Variants in GPC6 observed in about 807,000 individuals in gnomAD.
GPC6 encodes the protein glypican 6.
In GPC6, 14 loss-of-function variants were observed where a neutral mutation model predicts 55.2. The observed-to-expected ratio is 0.25, with a 90% CI of 0.17 to 0.40. The LOEUF is 0.40. Among genes scored for constraint, GPC6 ranks in the 10% least tolerant of loss-of-function variants. The pLI is 1.00. For missense variants in GPC6, 641 were observed against 708.5 expected, an observed-to-expected ratio of 0.90 and a Z score of 1.08; for synonymous variants, 278 against 259.6, an observed-to-expected ratio of 1.07 and a Z score of -0.68.
chr13:93,568,498 A>C (rs1876247664), intron 2 of GPC6, among the ~76,000 whole-genome samples: 1 of 152,172 alleles, frequency 6.6e-6, no homozygotes, highest in African/African-American at 2.4e-5. Context: ...GGGAAGAGAA[A>C]GACAGAATTT....
At chr13:93,951,545 T>C (rs1250645015) in intron 3 of GPC6, among the ~76,000 whole-genome samples, 1 of 152,210 alleles carries the variant, frequency 6.6e-6, no homozygotes, top group Non-Finnish European at 1.5e-5. Context: ...TCTGTTTCTA[T>C]TTTGCTGATA....
At chr13:94,261,470 T>A (rs1475956017) in intron 4 of GPC6, among the ~76,000 whole-genome samples, 1 of 152,192 alleles carries the variant, frequency 6.6e-6, no homozygotes, top group Non-Finnish European at 1.5e-5. Context: ...ACTAGTTGGT[T>A]ACCTATAAAT....
chr13:93,806,371 CTT>C (rs1490492876), intron 2 of GPC6, among the ~76,000 whole-genome samples: 1 of 152,088 alleles, frequency 6.6e-6, no homozygotes, highest in African/African-American at 2.4e-5. Flanking sequence ...GAGTTTTACT[CTT>C]GTCACCCAGG....
chr13:93,973,177 A>G (rs973983342), intron 3 of GPC6, among the ~76,000 whole-genome samples: 1 of 152,172 alleles, frequency 6.6e-6, no homozygotes, highest in African/African-American at 2.4e-5. Context: ...CACCTAGGCT[A>G]TGTGGTATAA....
chr13:94,199,647 T>C (rs990007855), intron 4 of GPC6, among the ~76,000 whole-genome samples: 1 of 152,204 alleles, frequency 6.6e-6, no homozygotes. Flanking sequence ...GCAGTTCTTT[T>C]TCATAGAGTT....
chr13:93,484,077 T>A (rs1879613712), intron 1 of GPC6, among the ~76,000 whole-genome samples: 1 of 152,178 alleles, frequency 6.6e-6, no homozygotes, highest in Non-Finnish European at 1.5e-5. Context: ...AAAAAAAGTA[T>A]TAAAATTTTG....
At chr13:93,684,399 G>A (rs538983100) in intron 2 of GPC6, among the ~76,000 whole-genome samples, 2 of 152,116 alleles carry the variant, frequency 1.3e-5, no homozygotes. Flanking sequence ...TGTTGGCCAG[G>A]CTGGCCTCGA....
intron 1 of GPC6, among the ~76,000 whole-genome samples, chr13:93,490,349 C>A (rs1021087748): frequency 1.2e-4 from 18 of 151,074 alleles, no homozygotes; most frequent in African/African-American, 4.1e-4. Context: ...TATCACACTG[C>A]CAAGGCTTTT....
intron 4 of GPC6, among the ~76,000 whole-genome samples, chr13:94,164,865 A>G (rs996392405): frequency 6.6e-6 from 1 of 152,194 alleles, no homozygotes; most frequent in Non-Finnish European, 1.5e-5. Context: ...ATTTAGTAGC[A>G]TTTAATAATT....
At chr13:94,020,000 C>G (rs1281934224) in intron 3 of GPC6, among the ~76,000 whole-genome samples, 1 of 152,066 alleles carries the variant, frequency 6.6e-6, no homozygotes, top group African/African-American at 2.4e-5. Flanking sequence ...TGCTGTTTCT[C>G]TATTTGCTTT....
intron 6 of GPC6, among the ~76,000 whole-genome samples, chr13:94,340,941 C>T (rs1028876982): frequency 6.6e-6 from 1 of 152,192 alleles, no homozygotes; most frequent in South Asian, 2.1e-4. Flanking sequence ...TATCTCTGGC[C>T]TCATTACTGA....
chr13:94,354,697 A>G (rs7992123), intron 6 of GPC6, among the ~76,000 whole-genome samples: 7,610 of 152,352 alleles, frequency 0.05, 621 homozygotes, highest in African/African-American at 0.17. Flanking sequence ...AAATGAAAAG[A>G]ATGCAGACAG....
chr13:94,119,060 A>G (rs933715798), intron 4 of GPC6, among the ~76,000 whole-genome samples: 10 of 152,100 alleles, frequency 6.6e-5, no homozygotes, highest in Non-Finnish European at 7.4e-5. Context: ...ATATATATAC[A>G]TTTAAAATTA....
intron 3 of GPC6, chr13:94,025,491 G>A (rs1195305225): frequency 6.6e-6 from 1 of 150,918 alleles, no homozygotes; most frequent in East Asian, 1.9e-4. Context: ...GCTCAGTTAC[G>A]GGTAAAACTT....
chr13:93,240,820 A>G (rs1876402054), intron 1 of GPC6, among the ~76,000 whole-genome samples: 1 of 152,086 alleles, frequency 6.6e-6, no homozygotes, highest in African/African-American at 2.4e-5. Flanking sequence ...AGCATTTCTT[A>G]TAGGTCCAGT....
At chr13:94,350,425 A>G (rs1333478085) in intron 6 of GPC6, among the ~76,000 whole-genome samples, 1 of 152,076 alleles carries the variant, frequency 6.6e-6, no homozygotes, top group Non-Finnish European at 1.5e-5. Context: ...GCTGGAGAAT[A>G]TTTCAATTTC....
intron 1 of GPC6, among the ~76,000 whole-genome samples, chr13:93,275,318 T>C (rs1877693737): frequency 6.6e-6 from 1 of 152,196 alleles, no homozygotes; most frequent in African/African-American, 2.4e-5. Flanking sequence ...ATGTGCAACA[T>C]GTACAAAAAG....
Position 93,227,364 on chromosome 13 carries a change from G to GCTCCT in GPC6, c.-92_-91insTCCTC. 5.5e-6 allele frequency: 7 copies of GCTCCT among 1,282,128 alleles called. No homozygotes were observed. Among genetic ancestry groups the GCTCCT allele is most frequent in the Non-Finnish European group, 7.7e-6 (7 of 904,488 alleles). The allele number at this position is 1,282,128 out of a possible 1,614,324, so 79.4% of individuals were successfully genotyped here. ...GTGACGCTGGGCAGCGGCGAGGAGC[G>GCTCCT]CGCCGCTGCCTCTGGCGGGCTTTCG... On this transcript the variant is annotated 5_prime_UTR_variant, in exon 1 of 9. Coordinates refer to ENST00000377047, the MANE Select transcript of GPC6 (RefSeq NM_005708.5). This position sits in a 1 kb window ranked among gnomAD's most constrained non-coding sequence, Gnocchi z 4.3.
At chr13:93,271,393 C>T (rs1035235021) in intron 1 of GPC6, among the ~76,000 whole-genome samples, 2 of 151,992 alleles carry the variant, frequency 1.3e-5, no homozygotes, top group African/African-American at 2.4e-5. Context: ...TGAAGAAAAA[C>T]TTTTCATTCT....
Sources: gnomAD v4.1 joint callset for allele counts (sites outside exome capture counted in the v4.1 genomes callset) on GRCh38, gnomAD v4.1.1 for gene constraint, Gnocchi (gnomAD v3.1) non-coding constraint, MANE v1.5 for transcripts, NCBI Gene and HGNC (gene_info 2026-07-23, HGNC 2026-07-21) for gene names.